Variants in CUX2 observed in about 807,000 individuals in gnomAD.
CUX2 encodes the protein homeobox protein cut-like 2.
CUX2 carries 40 observed loss-of-function variants against 144.8 expected under a neutral mutation model. That is an observed-to-expected ratio of 0.28 (90% CI 0.21 to 0.36). The LOEUF is 0.36. CUX2 is among the 10% of genes least tolerant of loss of function. The pLI is 1.00. For missense variants in CUX2, 1,615 were observed against 1,994.0 expected, an observed-to-expected ratio of 0.81 and a Z score of 3.62; for synonymous variants, 827 against 875.6, an observed-to-expected ratio of 0.94 and a Z score of 0.98.
chr12:111,143,014 A>C (rs940689439), intron 1 of CUX2, among the ~76,000 whole-genome samples: 1 of 152,144 alleles, frequency 6.6e-6, no homozygotes, highest in Admixed American at 6.5e-5. Flanking sequence ...GGCCTTCTGT[A>C]TCTATCAAAA....
chr12:111,327,585 G>A lies in CUX2; in HGVS notation c.2926+5005G>A, dbSNP rs1592973554. On this transcript the variant is annotated intron_variant, in intron 18 of 21. Coordinates refer to ENST00000261726, the MANE Select transcript of CUX2 (RefSeq NM_015267.4). ...ATTTCCCCAATGTCTGATTGTTTTGGTTGTAGATTTTATTGTCATGGAAGG... is the reference window on the plus strand; with the variant it reads ...ATTTCCCCAATGTCTGATTGTTTTGATTGTAGATTTTATTGTCATGGAAGG... 2.6e-5 allele frequency among the ~76,000 whole-genome samples: 4 copies of A among 152,306 alleles called. No individual in the cohort carries two copies. In the South Asian group the frequency reaches 8.3e-4, roughly 32 times the overall value.
chr12:111,053,388 A>G (rs1210941632), intron 1 of CUX2, among the ~76,000 whole-genome samples: 1 of 152,186 alleles, frequency 6.6e-6, no homozygotes, highest in Non-Finnish European at 1.5e-5. Flanking sequence ...CTCTAGTGAA[A>G]GCAAAATCCT....
intron 4 of CUX2, among the ~76,000 whole-genome samples, chr12:111,290,165 A>G (rs879943286): frequency 1.3e-5 from 2 of 152,212 alleles, no homozygotes; most frequent in East Asian, 1.9e-4. Flanking sequence ...AGAAAATGCA[A>G]TGAAGCCAGG....
At chr12:111,122,704 G>A (rs1004966219) in intron 1 of CUX2, among the ~76,000 whole-genome samples, 15 of 152,192 alleles carry the variant, frequency 9.9e-5, no homozygotes, top group Admixed American at 2.6e-4. Flanking sequence ...TATGCACCAG[G>A]GGAGATCCTG....
At chr12:111,148,718 G>A (rs1481438941) in intron 1 of CUX2, among the ~76,000 whole-genome samples, 1 of 152,118 alleles carries the variant, frequency 6.6e-6, no homozygotes, top group Non-Finnish European at 1.5e-5. Context: ...GTAAGGGGCT[G>A]GGCCCGGTGG....
At chr12:111,184,080 G>A (rs1033523075) in intron 1 of CUX2, among the ~76,000 whole-genome samples, 5 of 152,142 alleles carry the variant, frequency 3.3e-5, no homozygotes, top group Admixed American at 1.3e-4. Context: ...AGTCCCTTGC[G>A]GGGTTGATGG....
chr12:111,053,557 C>T (rs80020734), intron 1 of CUX2, among the ~76,000 whole-genome samples: 6,024 of 152,312 alleles, frequency 0.04, 412 homozygotes, highest in African/African-American at 0.14. Context: ...CTTCTACATC[C>T]TCCATACTCC....
rs1265030049 is a variant in CUX2 at position 111,296,501 on chromosome 12, A to G, written c.666A>G (p.Leu222=). ...SALKATQAEL[L]ELRRKYDEEA... is the part of the protein sequence containing the mutation. The stretch of plus-strand genomic sequence containing the variant: ...TAAAGGCTACGCAGGCAGAGCTGCT[A>G]GAGCTGCGGCGGAAGTACGACGAGG... Residue 222 remains leucine, a synonymous_variant, in exon 8 of 22, where the codon CTA becomes CTG. Coordinates refer to ENST00000261726, the MANE Select transcript of CUX2 (RefSeq NM_015267.4). The G allele has an allele frequency of 2.5e-6, 4 of 1,611,110 alleles. No homozygotes were observed. The highest frequency in any genetic ancestry group is 3.4e-6 in the Non-Finnish European group (4 of 1,178,452).
In CUX2 at chr12:111,186,011, A is replaced by T; in HGVS notation, c.64-28189A>T. Among the ~76,000 whole-genome samples, 1 of 142,310 alleles carries T rather than the reference A, an allele frequency of 7.0e-6. No individual in the cohort carries two copies. Among genetic ancestry groups the T allele is most frequent in the East Asian group, 2.1e-4 (1 of 4,794 alleles). 93.4% of individuals were successfully genotyped at this position (142,310 alleles called of 152,430 possible). On this transcript the variant is annotated intron_variant, in intron 1 of 21. Coordinates refer to ENST00000261726, the MANE Select transcript of CUX2 (RefSeq NM_015267.4). This position sits in a 1 kb window ranked among gnomAD's most constrained non-coding sequence, Gnocchi z 4.4. ...TCTCTGTCTTTCACTCTGTCTTCAG[A>T]CTCTGTTTTCTGGTCCTCTCTCTTT...
intron 14 of CUX2, among the ~76,000 whole-genome samples, chr12:111,309,229 G>A (rs1886752610): frequency 1.3e-5 from 2 of 152,168 alleles, no homozygotes; most frequent in African/African-American, 2.4e-5. Flanking sequence ...TAGCCTTGTG[G>A]CCCCAGGCAG....
chr12:111,187,950 C>T (rs191908720), intron 1 of CUX2, among the ~76,000 whole-genome samples: 1 of 152,360 alleles, frequency 6.6e-6, no homozygotes, highest in Non-Finnish European at 1.5e-5. Flanking sequence ...CGATCACAGG[C>T]TTGCACTGAG....
At position 111,057,520 on chromosome 12, in the gene CUX2, C is replaced by T. The variant is rs1291933841; in HGVS notation, c.63+23280C>T. ...GCCCTCTTGAGGGCCTCAGGGTGAC[C>T]AGGCCGATTCCAACGTGGGGACCCA... On this transcript the variant is annotated intron_variant, in intron 1 of 21. Transcript: ENST00000261726. This position sits in a 1 kb window ranked among gnomAD's most constrained non-coding sequence, Gnocchi z 5.1. Among the ~76,000 whole-genome samples, 1 of 152,090 alleles carries T rather than the reference C, an allele frequency of 6.6e-6. No individual in the cohort carries two copies. The highest frequency in any genetic ancestry group is 1.9e-4 in the East Asian group (1 of 5,198).
chr12:111,153,967 T>C (rs1014451060), intron 1 of CUX2, among the ~76,000 whole-genome samples: 1 of 152,152 alleles, frequency 6.6e-6, no homozygotes, highest in Non-Finnish European at 1.5e-5. Context: ...TTCTTCTGTG[T>C]TTCTGGGCCC....
At chr12:111,056,031 C>T (rs1010760395) in intron 1 of CUX2, among the ~76,000 whole-genome samples, 2 of 152,170 alleles carry the variant, frequency 1.3e-5, no homozygotes, top group African/African-American at 4.8e-5. Flanking sequence ...AGATTGTTTG[C>T]TATGCCCCTG....
At chr12:111,241,682 C>T (rs997199609) in intron 3 of CUX2, among the ~76,000 whole-genome samples, 4 of 152,386 alleles carry the variant, frequency 2.6e-5, no homozygotes, top group East Asian at 1.9e-4. Flanking sequence ...CACGTTGGCC[C>T]GACCCCATGG....
chr12:111,310,412 G>T lies in CUX2; in HGVS notation c.1630G>T (p.Ala544Ser). 1 of 1,611,004 alleles carries T rather than the reference G, an allele frequency of 6.2e-7. No individual in the cohort carries two copies. The highest frequency in any genetic ancestry group is 8.5e-7 in the Non-Finnish European group (1 of 1,178,922). The stretch of plus-strand genomic sequence containing the variant: ...CGCGGATGGTGGTGGGGGCGGAGCG[G>T]CGGGGCCCGGGGCAGAGGAGGAGCA... ...EPADGGGGGA[A>S]GPGAEEEQLD... The change falls in exon 15 of 22, where the codon GCG becomes TCG. Residue 544 changes from alanine to serine, a missense_variant. Around this residue, in one of 12 missense-constraint regions of CUX2, gnomAD observed 154 missense variants for 148.4 expected, o/e 1.04. Coordinates refer to ENST00000261726, the MANE Select transcript of CUX2 (RefSeq NM_015267.4). This position sits in a 1 kb window ranked among gnomAD's most constrained non-coding sequence, Gnocchi z 7.9.
chr12:111,189,142 T>C lies in CUX2; in HGVS notation c.64-25058T>C, dbSNP rs118039122. Among the ~76,000 whole-genome samples the C allele has an allele frequency of 4.6e-3, 704 of 152,182 alleles. 44 individuals carry two copies. In the East Asian group the frequency reaches 0.1, roughly 22 times the overall value. On this transcript the variant is annotated intron_variant, in intron 1 of 21. Transcript: ENST00000261726. ...AAAAAATTAGCCAAGTGTGGTGGTG[T>C]GCGCCTGTGGTCCCAGCTACTCAAG...
In CUX2 at chr12:111,320,074, T is replaced by C; in HGVS notation, c.2065T>C (p.Ser689Pro). Reference sequence around the variant, plus strand: ...CAACGGCACGACCCCCGCCAGCACCTCGGAGGACGCCATCAAGAGCATCCT... The same window carrying C: ...CAACGGCACGACCCCCGCCAGCACCCCGGAGGACGCCATCAAGAGCATCCT... ...IANGTTPASTSEDAIKSILEQ... is the reference protein window; with the variant it reads ...IANGTTPASTPEDAIKSILEQ... The change falls in exon 17 of 22, where the codon TCG becomes CCG. Residue 689 changes from serine to proline, a missense_variant. Transcript: ENST00000261726. The surrounding 1 kb of genome is among the most constrained non-coding windows in gnomAD (Gnocchi z 8.1). 6.4e-7 allele frequency: 1 copy of C among 1,553,478 alleles called. No homozygotes were observed.
At chr12:111,139,086 G>A (rs955850907) in intron 1 of CUX2, among the ~76,000 whole-genome samples, 13 of 151,620 alleles carry the variant, frequency 8.6e-5, no homozygotes, top group African/African-American at 2.9e-4. Flanking sequence ...GTCTTTGATC[G>A]CCATGTGACC....
Sources: gnomAD v4.1 joint callset for allele counts (sites outside exome capture counted in the v4.1 genomes callset) on GRCh38, gnomAD v4.1.1 for gene constraint, gnomAD v4.1.1 regional missense constraint, Gnocchi (gnomAD v3.1) non-coding constraint, MANE v1.5 for transcripts, NCBI Gene and HGNC (gene_info 2026-07-23, HGNC 2026-07-21) for gene names.